The following ADAM23 variants were observed in gnomAD, a reference collection of about 807,000 sequenced individuals.
ADAM23 encodes the protein disintegrin and metalloproteinase domain-containing protein 23.
ADAM23 carries 33 observed loss-of-function variants against 120.1 expected under a neutral mutation model. The ratio of observed to expected loss-of-function variants is 0.27; its 90% CI spans 0.21 to 0.37. The LOEUF is 0.37. Among genes scored for constraint, ADAM23 ranks in the 10% least tolerant of loss-of-function variants. The probability of loss-of-function intolerance (pLI) is 1.00; values close to 1 mark genes in which losing one functional copy is unlikely to be tolerated. For synonymous variants in ADAM23, 367 were observed against 375.2 expected (o/e 0.98, Z 0.25); for missense variants, 862 against 1,058.2 (o/e 0.81, Z 2.57).
Position 206,501,117 on chromosome 2 carries a change from ATT to A in ADAM23, c.509+19811_509+19812del, listed in dbSNP as rs1696379486. ...AAAACGATTACATGTATGTTTGTGT[ATT>A]TGTTTCCTGTTTCCAAGAACAACTT... On this transcript the variant is annotated intron_variant, in intron 3 of 25. Coordinates refer to ENST00000264377, the MANE Select transcript of ADAM23 (RefSeq NM_003812.4). 3.9e-5 allele frequency among the ~76,000 whole-genome samples: 6 copies of A among 152,010 alleles called. No homozygotes were observed. In the South Asian group the frequency reaches 1.2e-3, roughly 32 times the overall value.
intron 3 of ADAM23, among the ~76,000 whole-genome samples, chr2:206,485,676 C>G (rs961351783): frequency 1.3e-5 from 2 of 152,170 alleles, no homozygotes; most frequent in African/African-American, 4.8e-5. Context: ...CTGCTATGTG[C>G]CTCTGGCTGT....
intron 2 of ADAM23, among the ~76,000 whole-genome samples, chr2:206,457,299 C>T (rs764809107): frequency 6.6e-6 from 1 of 152,170 alleles, no homozygotes; most frequent in Non-Finnish European, 1.5e-5. Context: ...GGAAATGCAA[C>T]CAGAGAATGA....
chr2:206,577,296 T>G (rs1345103139), intron 18 of ADAM23, among the ~76,000 whole-genome samples: 1 of 151,000 alleles, frequency 6.6e-6, no homozygotes, highest in African/African-American at 2.4e-5. Flanking sequence ...AGTTTTAGGG[T>G]ACATGTGCAC....
chr2:206,511,442 G>A (rs1696620707), intron 3 of ADAM23, among the ~76,000 whole-genome samples: 1 of 152,172 alleles, frequency 6.6e-6, no homozygotes, highest in Non-Finnish European at 1.5e-5. Flanking sequence ...GTGGGGAGGA[G>A]AGCCAGTGGG....
At chr2:206,607,881 A>T (rs1201465311) in intron 24 of ADAM23, 2 of 329,050 alleles carry the variant, frequency 6.1e-6, no homozygotes, top group Non-Finnish European at 1.1e-5. Flanking sequence ...TTCCATGGAC[A>T]GTTTTTTTTT....
At chr2:206,553,927 ATCT>A (rs1176357573) in intron 9 of ADAM23, among the ~76,000 whole-genome samples, 3 of 152,124 alleles carry the variant, frequency 2.0e-5, no homozygotes, top group Non-Finnish European at 4.4e-5. Flanking sequence ...CCAAATTCTA[ATCT>A]TATTTTTTTT....
At chr2:206,556,549 A>G (rs927304457) in intron 9 of ADAM23, among the ~76,000 whole-genome samples, 8 of 152,130 alleles carry the variant, frequency 5.3e-5, no homozygotes, top group Non-Finnish European at 1.2e-4. Flanking sequence ...GGACCAGTAG[A>G]GGGCATGATT....
intron 22 of ADAM23, among the ~76,000 whole-genome samples, chr2:206,593,584 T>TC (rs1245121999): frequency 2.0e-5 from 3 of 152,134 alleles, no homozygotes; most frequent in Non-Finnish European, 4.4e-5. Flanking sequence ...TTTAAATGGC[T>TC]CTGAAGACAA....
intron 8 of ADAM23, among the ~76,000 whole-genome samples, chr2:206,549,371 C>T (rs1221490472): frequency 6.6e-6 from 1 of 151,648 alleles, no homozygotes; most frequent in Non-Finnish European, 1.5e-5. Flanking sequence ...CTACAGTCCA[C>T]CTCATCAAAT....
chr2:206,578,809 T>C (rs531551183), intron 18 of ADAM23, among the ~76,000 whole-genome samples: 3 of 152,156 alleles, frequency 2.0e-5, no homozygotes, highest in Non-Finnish European at 4.4e-5. Context: ...GTTTAAGGAA[T>C]CTCCACACTG....
intron 18 of ADAM23, among the ~76,000 whole-genome samples, chr2:206,579,074 A>C (rs1698173802): frequency 6.6e-6 from 1 of 151,604 alleles, no homozygotes; most frequent in African/African-American, 2.4e-5. Context: ...CCACTTTTTG[A>C]TGGGATTGTT....
rs190090956 is a variant in ADAM23 at position 206,527,949 on chromosome 2, A to C, written c.510-2936A>C. 1.1e-3 allele frequency among the ~76,000 whole-genome samples: 164 copies of C among 152,358 alleles called. 1 individual carries two copies. The highest frequency in any genetic ancestry group is 7.8e-4 in the Non-Finnish European group (53 of 68,028). On this transcript the variant is annotated intron_variant, in intron 3 of 25. Coordinates refer to ENST00000264377, the MANE Select transcript of ADAM23 (RefSeq NM_003812.4). ...TTTAAGATTCTAAAATGCCAGAGATACTAGAAACAGGTATGTTCATGAGAA... is the reference window on the plus strand; with the variant it reads ...TTTAAGATTCTAAAATGCCAGAGATCCTAGAAACAGGTATGTTCATGAGAA...
intron 2 of ADAM23, among the ~76,000 whole-genome samples, chr2:206,460,893 C>T (rs903921300): frequency 6.6e-6 from 1 of 152,088 alleles, no homozygotes; most frequent in African/African-American, 2.4e-5. Flanking sequence ...GACTTAGGTC[C>T]ATTTTGAGTT....
intron 10 of ADAM23, among the ~76,000 whole-genome samples, chr2:206,558,755 A>G (rs1697697284): frequency 6.6e-6 from 1 of 152,310 alleles, no homozygotes; most frequent in East Asian, 1.9e-4. Flanking sequence ...GCAAAGTGTA[A>G]TTTTTATTTT....
At chr2:206,552,836 ATT>A (rs56170459) in intron 9 of ADAM23, among the ~76,000 whole-genome samples, 87 of 147,120 alleles carry the variant, frequency 5.9e-4, no homozygotes, top group South Asian at 2.8e-3. Flanking sequence ...TATTTTTTGT[ATT>A]TTTTTTTTTT....
chr2:206,588,022 C>T, intron 19 of ADAM23, 69 bp from the exon 20 acceptor site: 1 of 1,513,276 alleles, frequency 6.6e-7, no homozygotes, highest in Non-Finnish European at 9.2e-7. Flanking sequence ...CAGAAGGAGA[C>T]ATTGTAGTAA....
chr2:206,617,206 CCA>C (rs1374857570), intron 25 of ADAM23, among the ~76,000 whole-genome samples: 32 of 152,224 alleles, frequency 2.1e-4, no homozygotes, highest in African/African-American at 7.2e-4. Context: ...CTTAGTTCTC[CCA>C]ATAGGCTCCT....
intron 3 of ADAM23, among the ~76,000 whole-genome samples, chr2:206,512,588 G>T (rs1424310181): frequency 6.6e-6 from 1 of 152,172 alleles, no homozygotes; most frequent in Non-Finnish European, 1.5e-5. Context: ...AGAATTATTG[G>T]ATGTTCTAAA....
At position 206,619,391 on chromosome 2, in the gene ADAM23, A is replaced by C. The variant is rs766669464; in HGVS notation, c.*1764A>C. ...GTCACATGTTAAGTAAATAAGCTGA[A>C]GAAATTTGGTCCCGGCTTTGTTTTA... On this transcript the variant is annotated 3_prime_UTR_variant, in exon 26 of 26. Coordinates refer to ENST00000264377, the MANE Select transcript of ADAM23 (RefSeq NM_003812.4). The C allele has an allele frequency of 4.6e-5, 7 of 152,302 alleles. No individual in the cohort carries two copies. Among genetic ancestry groups the C allele is most frequent in the Non-Finnish European group, 8.8e-5 (6 of 68,026 alleles). The allele number at this position is 152,302 out of a possible 1,614,324, so 9.4% of individuals were successfully genotyped here.
Sources: allele counts gnomAD v4.1 joint callset (sites outside exome capture counted in the v4.1 genomes callset), GRCh38; gene constraint gnomAD v4.1.1; transcripts MANE v1.5; gene names NCBI Gene and HGNC (gene_info 2026-07-23, HGNC 2026-07-21).